Variants in MCU observed in about 807,000 individuals in gnomAD.
MCU encodes mitochondrial calcium uniporter.
A neutral mutation model predicts 45.2 loss-of-function variants in MCU; 12 were observed. The ratio of observed to expected loss-of-function variants is 0.27; its 90% CI spans 0.17 to 0.43. The LOEUF (loss-of-function observed/expected upper bound fraction) is 0.43. Ranked by LOEUF, MCU falls within the 20% of genes least tolerant of loss-of-function variation. The pLI is 1.00. For synonymous variants in MCU, 160 were observed against 165.1 expected, an observed-to-expected ratio of 0.97 and a Z score of 0.24; for missense variants, 324 against 436.7, an observed-to-expected ratio of 0.74 and a Z score of 2.30.
intron 2 of MCU, among the ~76,000 whole-genome samples, chr10:72,852,227 A>C (rs1845218136): frequency 6.6e-6 from 1 of 152,364 alleles, no homozygotes; most frequent in African/African-American, 2.4e-5. Context: ...ATTAATTGTT[A>C]AGGATTCTTT....
chr10:72,867,132 C>A (rs932726213), intron 4 of MCU, among the ~76,000 whole-genome samples: 1 of 150,608 alleles, frequency 6.6e-6, no homozygotes, highest in Non-Finnish European at 1.5e-5. Flanking sequence ...CTACCTTCAT[C>A]TGAATTTTTT....
chr10:72,769,892 T>C (rs1315570026), intron 1 of MCU, among the ~76,000 whole-genome samples: 6 of 152,178 alleles, frequency 3.9e-5, no homozygotes, highest in Admixed American at 3.9e-4. Context: ...GTCGGTGTTT[T>C]GGTTATTGAT....
chr10:72,749,852 C>T lies in MCU; in HGVS notation c.150+57551C>T, dbSNP rs553340513. Reference sequence around the variant, plus strand: ...CGTGATCTCAGCTCACTGCAGCCTCCGCCTCCCAGGTTCAAGTGATTCTCC... The same window carrying T: ...CGTGATCTCAGCTCACTGCAGCCTCTGCCTCCCAGGTTCAAGTGATTCTCC... On this transcript the variant is annotated intron_variant, in intron 1 of 7. Coordinates refer to ENST00000373053, the MANE Select transcript of MCU (RefSeq NM_138357.3). Among the ~76,000 whole-genome samples, 8 of 152,088 alleles carry T rather than the reference C, an allele frequency of 5.3e-5. No homozygotes were observed. The South Asian group carries it at 6.2e-4, about 12-fold the overall frequency.
At chr10:72,816,947 C>T (rs559382685) in intron 1 of MCU, among the ~76,000 whole-genome samples, 1 of 152,318 alleles carries the variant, frequency 6.6e-6, no homozygotes, top group Admixed American at 6.5e-5. Flanking sequence ...CTACAGCAAA[C>T]TTAACTACTA....
chr10:72,849,899 G>A (rs1479067680), intron 2 of MCU, among the ~76,000 whole-genome samples: 3 of 149,414 alleles, frequency 2.0e-5, no homozygotes, highest in Non-Finnish European at 4.4e-5. Flanking sequence ...TGTGACCTTA[G>A]CAGTATTATC....
intron 1 of MCU, among the ~76,000 whole-genome samples, chr10:72,821,994 G>A (rs1385787271): frequency 1.3e-5 from 2 of 152,128 alleles, no homozygotes; most frequent in South Asian, 2.1e-4. Flanking sequence ...AAGAAATAAC[G>A]GCTGGACGTG....
At chr10:72,798,885 C>A (rs753521438) in intron 1 of MCU, among the ~76,000 whole-genome samples, 1 of 151,808 alleles carries the variant, frequency 6.6e-6, no homozygotes, top group Non-Finnish European at 1.5e-5. Context: ...ATTTTTATAC[C>A]TAAGATTCTG....
chr10:72,855,754 C>T (rs578048870), intron 2 of MCU, among the ~76,000 whole-genome samples: 3 of 152,082 alleles, frequency 2.0e-5, no homozygotes, highest in Non-Finnish European at 4.4e-5. Context: ...TTCAGCCATA[C>T]TTAAATTACA....
At chr10:72,857,774 T>C (rs986287298) in intron 2 of MCU, among the ~76,000 whole-genome samples, 2 of 152,226 alleles carry the variant, frequency 1.3e-5, no homozygotes, top group African/African-American at 4.8e-5. Flanking sequence ...ATAGTTGTTC[T>C]ACTGGGACCC....
intron 1 of MCU, among the ~76,000 whole-genome samples, chr10:72,769,446 T>A (rs1843774245): frequency 6.6e-6 from 1 of 152,142 alleles, no homozygotes; most frequent in Admixed American, 6.5e-5. Flanking sequence ...ATTTTATTTA[T>A]TTTTCATTTT....
chr10:72,771,112 A>G (rs914215312), intron 1 of MCU, among the ~76,000 whole-genome samples: 1 of 152,186 alleles, frequency 6.6e-6, no homozygotes, highest in South Asian at 2.1e-4. Flanking sequence ...GGTTTGTTAC[A>G]TAGGTATACA....
In MCU at chr10:72,704,387, T is replaced by C. The variant is rs181501229; in HGVS notation, c.150+12086T>C. Among the ~76,000 whole-genome samples, 472 of 152,334 alleles carry C rather than the reference T, an allele frequency of 3.1e-3. 2 individuals carry two copies. The highest frequency in any genetic ancestry group is 0.011 in the African/African-American group (440 of 41,582). ...ATTACTCAGGCACTGAAACTTTATTTCTTAACCTTTGCTGAGTGTTCCTTT... is the reference window on the plus strand; with the variant it reads ...ATTACTCAGGCACTGAAACTTTATTCCTTAACCTTTGCTGAGTGTTCCTTT... On this transcript the variant is annotated intron_variant, in intron 1 of 7. Coordinates refer to ENST00000373053, the MANE Select transcript of MCU (RefSeq NM_138357.3).
At position 72,856,488 on chromosome 10, in the gene MCU, TCTACAA is replaced by T. The variant is rs1194844335; in HGVS notation, c.221-2679_221-2674del. Among the ~76,000 whole-genome samples the T allele has an allele frequency of 2.6e-5, 4 of 152,140 alleles. No individual in the cohort carries two copies. In the East Asian group the frequency reaches 5.8e-4, roughly 22 times the overall value. Reference sequence around the variant, plus strand: ...TAGACAAGGAAATAAGATGTAAATGTCTACAACTACAACTATGGAAAGCTTGATGCA... The same window carrying T: ...TAGACAAGGAAATAAGATGTAAATGTCTACAACTATGGAAAGCTTGATGCA... On this transcript the variant is annotated intron_variant, in intron 2 of 7. Transcript: ENST00000373053.
chr10:72,703,915 AAC>A (rs1564533304), intron 1 of MCU, among the ~76,000 whole-genome samples: 4 of 152,040 alleles, frequency 2.6e-5, no homozygotes, highest in Admixed American at 6.6e-5. Context: ...CAACAACAAC[AAC>A]AAAAAACAAC....
At chr10:72,825,972 C>A (rs1844792390) in intron 1 of MCU, among the ~76,000 whole-genome samples, 1 of 152,168 alleles carries the variant, frequency 6.6e-6, no homozygotes, top group Admixed American at 6.5e-5. Flanking sequence ...TGTTTCCTCT[C>A]TATGAGCCCT....
chr10:72,835,541 C>G (rs1479701434), intron 2 of MCU, among the ~76,000 whole-genome samples: 1 of 152,122 alleles, frequency 6.6e-6, no homozygotes, highest in Non-Finnish European at 1.5e-5. Context: ...CTAGAATCCC[C>G]AACATTTAGT....
At chr10:72,859,786 G>A (rs904954407) in intron 3 of MCU, among the ~76,000 whole-genome samples, 3 of 152,092 alleles carry the variant, frequency 2.0e-5, no homozygotes, top group Admixed American at 2.0e-4. Flanking sequence ...ACCATTTTAT[G>A]TATTTAATTT....
intron 1 of MCU, among the ~76,000 whole-genome samples, chr10:72,795,885 G>A (rs561103507): frequency 6.6e-6 from 1 of 151,882 alleles, no homozygotes; most frequent in East Asian, 1.9e-4. Context: ...GTAATCCCGG[G>A]TACTCTGGAG....
rs202083645 is a variant in MCU, at chr10:72,758,585, CT to C, written c.150+66287del. Among the ~76,000 whole-genome samples the C allele has an allele frequency of 8.5e-3, 1,295 of 152,214 alleles. 23 individuals carry two copies. Among genetic ancestry groups the C allele is most frequent in the African/African-American group, 0.029 (1,204 of 41,526 alleles). On this transcript the variant is annotated intron_variant, in intron 1 of 7. Transcript: ENST00000373053. The stretch of plus-strand genomic sequence containing the variant: ...TTTTTCTGAAAGTATGAATATGCAA[CT>C]TTCAGTTACTAGAATTAATTTACTT...
Sources: allele counts gnomAD v4.1 joint callset (sites outside exome capture counted in the v4.1 genomes callset), GRCh38; gene constraint gnomAD v4.1.1; transcripts MANE v1.5; gene names NCBI Gene and HGNC (gene_info 2026-07-23, HGNC 2026-07-21).